Variants in ANO3 observed in about 807,000 individuals in gnomAD.
ANO3 encodes the protein anoctamin-3.
In ANO3, 99 loss-of-function variants were observed where a neutral mutation model predicts 144.8. The observed-to-expected ratio is 0.68, with a 90% CI of 0.58 to 0.81. The LOEUF is 0.81. ANO3 is among the 30% of genes least tolerant of loss of function. The pLI is 0.00. For synonymous variants in ANO3, 414 were observed against 392.6 expected (o/e 1.05, Z -0.64); for missense variants, 905 against 1,202.2 (o/e 0.75, Z 3.66).
chr11:26,365,981 TA>T (rs1564984896), intron 1 of ANO3, among the ~76,000 whole-genome samples: 279 of 7,254 alleles, frequency 0.038, 6 homozygotes, highest in Middle Eastern at 0.3. Flanking sequence ...TATATATATA[TA>T]TATATATATA....
intron 4 of ANO3, among the ~76,000 whole-genome samples, chr11:26,505,992 CAAAAAAAAAAAA>C (rs56193607): frequency 1.6e-3 from 125 of 78,410 alleles, no homozygotes; most frequent in Non-Finnish European, 2.3e-3. Context: ...GACTCTGTCT[CAAAAAAAAAAAA>C]AAAAAAAAAA....
In ANO3 at chr11:26,531,258, T is replaced by C; in HGVS notation, c.791T>C (p.Val264Ala). The C allele has an allele frequency of 6.2e-7, 1 of 1,614,110 alleles. No individual in the cohort carries two copies. The highest frequency in any genetic ancestry group is 8.5e-7 in the Non-Finnish European group (1 of 1,179,980). Residue 264 changes from valine to alanine, a missense_variant, in exon 8 of 27, where the codon GTT becomes GCT. This residue lies in a region of ANO3 where 71 missense variants were observed against 57.9 expected (regional missense o/e 1.23). Transcript: ENST00000256737. Reference sequence around the variant, plus strand: ...AACTGGATGGCCCAAAACCCAATGGTTCTTGACAAGTCAGCTTTTCCAGAC... The same window carrying C: ...AACTGGATGGCCCAAAACCCAATGGCTCTTGACAAGTCAGCTTTTCCAGAC... ...IKNWMAQNPM[V>A]LDKSAFPDLE...
At chr11:26,381,498 C>G (rs900229852) in intron 1 of ANO3, among the ~76,000 whole-genome samples, 3 of 152,140 alleles carry the variant, frequency 2.0e-5, no homozygotes, top group Admixed American at 6.6e-5. Flanking sequence ...ATCCCATTAT[C>G]AAGTTTTATT....
At chr11:26,444,065 A>AT (rs1353203239) in intron 3 of ANO3, among the ~76,000 whole-genome samples, 1 of 152,150 alleles carries the variant, frequency 6.6e-6, no homozygotes, top group Admixed American at 6.6e-5. Flanking sequence ...ACAAATAACA[A>AT]TTTTTGCCAT....
intron 1 of ANO3, among the ~76,000 whole-genome samples, chr11:26,268,986 G>T (rs1853377698): frequency 6.6e-6 from 1 of 152,118 alleles, no homozygotes; most frequent in African/African-American, 2.4e-5. Flanking sequence ...TCTTAGGGGA[G>T]GTTCCCTCAA....
Position 26,365,460 on chromosome 11 carries a change from T to G in ANO3, c.46+33139T>G, listed in dbSNP as rs116367048. ...AAATTTCCCATTTGTTCTTCCCTAG[T>G]AGAGGTTCTCTGTGAGGGCTCCACC... On this transcript the variant is annotated intron_variant, in intron 1 of 26. Transcript: ENST00000256737. Among the ~76,000 whole-genome samples, 1,337 of 152,310 alleles carry G rather than the reference T, an allele frequency of 8.8e-3. 17 individuals carry two copies. The highest frequency in any genetic ancestry group is 0.027 in the Middle Eastern group (8 of 294).
At chr11:26,396,011 A>T (rs1857003518) in intron 1 of ANO3, among the ~76,000 whole-genome samples, 4 of 152,200 alleles carry the variant, frequency 2.6e-5, no homozygotes, top group Admixed American at 2.6e-4. Flanking sequence ...CAGGCAACTT[A>T]CAGGATGGGA....
chr11:26,262,694 T>G (rs1338617403), intron 1 of ANO3, among the ~76,000 whole-genome samples: 2 of 151,434 alleles, frequency 1.3e-5, no homozygotes, highest in African/African-American at 4.8e-5. Flanking sequence ...GAGCCCTCAT[T>G]AATAGGATTA....
chr11:26,361,380 G>C (rs938186422), intron 1 of ANO3, among the ~76,000 whole-genome samples: 2 of 152,132 alleles, frequency 1.3e-5, no homozygotes, highest in Non-Finnish European at 1.5e-5. Flanking sequence ...ATTTGGAAGA[G>C]ACCTATTCTT....
At chr11:26,360,312 G>C (rs995689393) in intron 1 of ANO3, among the ~76,000 whole-genome samples, 5 of 151,308 alleles carry the variant, frequency 3.3e-5, no homozygotes, top group Admixed American at 2.6e-4. Flanking sequence ...CTGAACTGAG[G>C]TTCTAAAATG....
intron 4 of ANO3, among the ~76,000 whole-genome samples, chr11:26,485,772 ATCT>A (rs1351905147): frequency 3.3e-5 from 5 of 152,226 alleles, no homozygotes; most frequent in African/African-American, 9.6e-5. Context: ...CTAGGGAAAA[ATCT>A]TCTTGACATT....
rs775472502 is a variant in ANO3, at chr11:26,632,939, G to A, written c.1874-1265G>A. ...GTGAAAGCATGACATGTCAAAACCCGTGGGGACAAGTTCTTACTGACTGTT... is the reference window on the plus strand; with the variant it reads ...GTGAAAGCATGACATGTCAAAACCCATGGGGACAAGTTCTTACTGACTGTT... On this transcript the variant is annotated intron_variant, in intron 18 of 26. Transcript: ENST00000256737. Among the ~76,000 whole-genome samples the A allele has an allele frequency of 3.9e-5, 6 of 152,152 alleles. No homozygotes were observed. The South Asian group carries it at 6.2e-4, about 16-fold the overall frequency.
chr11:26,331,335 A>C (rs1016827072), upstream of ANO3: 1 of 152,204 alleles, frequency 6.6e-6, no homozygotes, highest in African/African-American at 2.4e-5. Flanking sequence ...CTTAAAATAC[A>C]TGGTGAAGAT....
intron 4 of ANO3, among the ~76,000 whole-genome samples, chr11:26,500,057 T>C (rs1861130513): frequency 6.6e-6 from 1 of 151,948 alleles, no homozygotes; most frequent in Admixed American, 6.6e-5. Context: ...GATGGAATTA[T>C]ATAATTGTGT....
intron 1 of ANO3, among the ~76,000 whole-genome samples, chr11:26,291,656 C>T (rs1438968220): frequency 1.3e-5 from 2 of 152,212 alleles, no homozygotes; most frequent in East Asian, 1.9e-4. Context: ...TTTATTTCTC[C>T]TTCACTTATG....
chr11:26,360,168 T>A (rs1357926322), intron 1 of ANO3, among the ~76,000 whole-genome samples: 2 of 136,954 alleles, frequency 1.5e-5, no homozygotes, highest in East Asian at 2.3e-4. Context: ...CTTCACTGCT[T>A]CCCCCAACCC....
intron 1 of ANO3, among the ~76,000 whole-genome samples, chr11:26,212,824 CA>C (rs1851961681): frequency 2.0e-5 from 3 of 151,856 alleles, no homozygotes; most frequent in Admixed American, 1.3e-4. Context: ...AAAGACACAA[CA>C]AAAAAATGTA....
In ANO3 at chr11:26,593,250, T is replaced by C. The variant is rs1303601197; in HGVS notation, c.1448-5115T>C. Among the ~76,000 whole-genome samples, 6 of 152,202 alleles carry C rather than the reference T, an allele frequency of 3.9e-5. 1 individual carries two copies. In the South Asian group the frequency reaches 1.2e-3, roughly 32 times the overall value. ...AGTCTGTATACATATTTACCCTTTT[T>C]CCTTCTCCTAATTCAAGTGTATAAT... On this transcript the variant is annotated intron_variant, in intron 14 of 26. Coordinates refer to ENST00000256737, the MANE Select transcript of ANO3 (RefSeq NM_031418.4).
At chr11:26,347,691 T>C (rs754539055) in intron 1 of ANO3, among the ~76,000 whole-genome samples, 8 of 152,208 alleles carry the variant, frequency 5.3e-5, no homozygotes, top group Non-Finnish European at 8.8e-5. Flanking sequence ...TTTCTGATTT[T>C]TATTAGCACT....
Sources: allele counts gnomAD v4.1 joint callset (sites outside exome capture counted in the v4.1 genomes callset), GRCh38; gene constraint gnomAD v4.1.1; regional missense constraint gnomAD v4.1.1; transcripts MANE v1.5; gene names NCBI Gene and HGNC (gene_info 2026-07-23, HGNC 2026-07-21).